The following SLC44A5 variants were observed in gnomAD, a reference collection of about 807,000 sequenced individuals.
The protein encoded by SLC44A5 is solute carrier family 44 member 5.
SLC44A5 carries 57 observed loss-of-function variants against 101.8 expected under a neutral mutation model. The ratio of observed to expected loss-of-function variants is 0.56; its 90% CI spans 0.45 to 0.70. The LOEUF is 0.70. Among genes scored for constraint, SLC44A5 ranks in the 30% least tolerant of loss-of-function variants. The pLI is 0.00. For missense variants in SLC44A5, 737 were observed against 853.1 expected (o/e 0.86, Z 1.70); for synonymous variants, 281 against 290.9 (o/e 0.97, Z 0.35).
rs202124142 is a variant in SLC44A5, at chr1:75,452,779, C to A, written c.14-56158G>T. Among the ~76,000 whole-genome samples the A allele has an allele frequency of 7.2e-5, 11 of 152,000 alleles. No individual in the cohort carries two copies. The East Asian group carries it at 2.1e-3, about 29-fold the overall frequency. On this transcript the variant is annotated intron_variant, in intron 2 of 23. Coordinates refer to ENST00000370859, the MANE Select transcript of SLC44A5 (RefSeq NM_001130058.2). Reference sequence around the variant, plus strand: ...GATAAAACAGACTTTAAACTAGCAACAAACAAGGGCAAAGGGGGGCATTAC... The same window carrying A: ...GATAAAACAGACTTTAAACTAGCAAAAAACAAGGGCAAAGGGGGGCATTAC...
intron 1 of SLC44A5, among the ~76,000 whole-genome samples, chr1:75,604,626 A>G (rs1305757621): frequency 6.6e-6 from 1 of 151,856 alleles, no homozygotes; most frequent in Non-Finnish European, 1.5e-5. Flanking sequence ...TGACCATTTT[A>G]TTATTCTTCC....
the SLC44A5 span, among the ~76,000 whole-genome samples, chr1:75,648,076 T>C: frequency 6.6e-6 from 1 of 152,208 alleles, no homozygotes; most frequent in East Asian, 1.9e-4. Context: ...ATCCAAATTA[T>C]AATCCCCATT....
At chr1:75,646,991 T>C in the SLC44A5 span, among the ~76,000 whole-genome samples, 1 of 152,326 alleles carries the variant, frequency 6.6e-6, no homozygotes, top group South Asian at 2.1e-4. Context: ...GCATAAGTAA[T>C]GAGGAGCCCA....
At chr1:75,644,019 A>G in the SLC44A5 span, among the ~76,000 whole-genome samples, 2 of 152,228 alleles carry the variant, frequency 1.3e-5, no homozygotes, top group East Asian at 3.8e-4. Context: ...GACAGTTCTC[A>G]GTTATCTACA....
chr1:75,325,576 G>C (rs1455664174), intron 4 of SLC44A5, among the ~76,000 whole-genome samples: 2 of 152,124 alleles, frequency 1.3e-5, no homozygotes, highest in Non-Finnish European at 2.9e-5. Context: ...GACAATGAGA[G>C]AGAGAGATTC....
At chr1:75,489,521 T>C (rs1368630145) in intron 2 of SLC44A5, among the ~76,000 whole-genome samples, 4 of 152,194 alleles carry the variant, frequency 2.6e-5, no homozygotes, top group Non-Finnish European at 4.4e-5. Context: ...GACAGGAAAT[T>C]TTCAGGCGTA....
chr1:75,582,041 G>C, intron 1 of SLC44A5: 1 of 651,746 alleles, frequency 1.5e-6, no homozygotes, highest in Non-Finnish European at 2.8e-6. Context: ...ATATACAAAA[G>C]GATACTGAGC....
intron 4 of SLC44A5, among the ~76,000 whole-genome samples, chr1:75,309,235 G>C (rs999090155): frequency 6.6e-6 from 1 of 152,124 alleles, no homozygotes; most frequent in Admixed American, 6.6e-5. Context: ...CTTAAAGCTA[G>C]GAGTTTGAAA....
At chr1:75,443,356 C>T (rs1375423670) in intron 2 of SLC44A5, among the ~76,000 whole-genome samples, 1 of 151,622 alleles carries the variant, frequency 6.6e-6, no homozygotes, top group Non-Finnish European at 1.5e-5. Flanking sequence ...TTTGAGAAAA[C>T]TCATTGATTG....
chr1:75,205,053 T>G (rs1466261035), intron 23 of SLC44A5: 1 of 152,160 alleles, frequency 6.6e-6, no homozygotes, highest in African/African-American at 2.4e-5. Flanking sequence ...CAGAAGGCTC[T>G]TTGCCAAAAT....
At chr1:75,715,124 A>G in the SLC44A5 span, among the ~76,000 whole-genome samples, 3 of 152,216 alleles carry the variant, frequency 2.0e-5, no homozygotes, top group African/African-American at 7.2e-5. Context: ...ATTACAAAAC[A>G]CTGCTCAAAG....
intron 4 of SLC44A5, among the ~76,000 whole-genome samples, chr1:75,308,255 T>G (rs1316124091): frequency 1.3e-5 from 2 of 152,192 alleles, no homozygotes; most frequent in Non-Finnish European, 2.9e-5. Flanking sequence ...TCTGAGTAAT[T>G]AGATCTTAAA....
At chr1:75,484,992 C>T (rs79712415) in intron 2 of SLC44A5, among the ~76,000 whole-genome samples, 1 of 152,258 alleles carries the variant, frequency 6.6e-6, no homozygotes, top group Non-Finnish European at 1.5e-5. Context: ...CACAAAACCA[C>T]TTTTTCCTCC....
the SLC44A5 span, among the ~76,000 whole-genome samples, chr1:75,651,696 CAAAAAA>C: frequency 7.1e-5 from 5 of 70,152 alleles, no homozygotes; most frequent in Non-Finnish European, 1.4e-4. Flanking sequence ...GACTCTGTCT[CAAAAAA>C]AAAAAAAAAA....
chr1:75,680,941 A>T, the SLC44A5 span, among the ~76,000 whole-genome samples: 38,977 of 142,892 alleles, frequency 0.27, 5,446 homozygotes, highest in Non-Finnish European at 0.32. Flanking sequence ...TCACCACCGA[A>T]CCCACAGAAA....
At chr1:75,440,589 C>G (rs2101624700) in intron 2 of SLC44A5, among the ~76,000 whole-genome samples, 1 of 152,090 alleles carries the variant, frequency 6.6e-6, no homozygotes, top group Non-Finnish European at 1.5e-5. Flanking sequence ...GGGTTTTGAT[C>G]AGAGCCATCT....
chr1:75,614,697 T>C (rs1377306157), upstream of SLC44A5, among the ~76,000 whole-genome samples: 2 of 152,146 alleles, frequency 1.3e-5, no homozygotes, highest in African/African-American at 2.4e-5. Context: ...CCTGTCCTTT[T>C]TTATATAACC....
At chr1:75,646,435 C>T in the SLC44A5 span, among the ~76,000 whole-genome samples, 1 of 152,164 alleles carries the variant, frequency 6.6e-6, no homozygotes, top group South Asian at 2.1e-4. Flanking sequence ...TAAGTCTTAA[C>T]GTGACATGAG....
intron 4 of SLC44A5, among the ~76,000 whole-genome samples, chr1:75,328,920 T>C (rs531043629): frequency 3.0e-4 from 45 of 152,256 alleles, no homozygotes; most frequent in African/African-American, 1.1e-3. Context: ...AGGAGTGTGG[T>C]ATGCAGACAG....
Sources: allele counts gnomAD v4.1 joint callset (sites outside exome capture counted in the v4.1 genomes callset), GRCh38; gene constraint gnomAD v4.1.1; transcripts MANE v1.5; gene names NCBI Gene and HGNC (gene_info 2026-07-23, HGNC 2026-07-21).